PACRG: variants seen among roughly 807,000 people sequenced by gnomAD.
The protein encoded by PACRG is parkin coregulated, also known as parkin coregulated gene protein.
Under a neutral mutation model 29.7 loss-of-function variants are expected in PACRG, and 29 were observed. The observed-to-expected ratio is 0.98, with a 90% CI of 0.73 to 1.33. PACRG has a LOEUF of 1.33. Among genes scored for constraint, PACRG ranks in the 40% most tolerant of loss-of-function variants. PACRG has a pLI of 0.00. For synonymous variants in PACRG, 116 were observed against 118.7 expected, an observed-to-expected ratio of 0.98 and a Z score of 0.15; for missense variants, 279 against 316.2, an observed-to-expected ratio of 0.88 and a Z score of 0.89.
chr6:162,965,989 C>T (rs796424356), intron 2 of PACRG, among the ~76,000 whole-genome samples: 6 of 152,232 alleles, frequency 3.9e-5, no homozygotes, highest in African/African-American at 1.4e-4. Context: ...TCCGATACAC[C>T]AATGTGGATG....
intron 2 of PACRG, among the ~76,000 whole-genome samples, chr6:162,833,476 G>A (rs1788952955): frequency 6.6e-6 from 1 of 152,018 alleles, no homozygotes; most frequent in Admixed American, 6.6e-5. Flanking sequence ...AGCATTGTTT[G>A]TATCTTTTAA....
chr6:162,789,221 G>T (rs1467066540), intron 1 of PACRG, among the ~76,000 whole-genome samples: 1 of 152,126 alleles, frequency 6.6e-6, no homozygotes, highest in East Asian at 1.9e-4. Flanking sequence ...GAGTGAGGAG[G>T]CAACTAACTG....
chr6:162,836,114 A>G (rs865946548), intron 2 of PACRG, among the ~76,000 whole-genome samples: 43 of 151,940 alleles, frequency 2.8e-4, no homozygotes, highest in African/African-American at 9.7e-4. Flanking sequence ...CATGATTTTT[A>G]TATATTTTTT....
intron 4 of PACRG, among the ~76,000 whole-genome samples, chr6:163,312,404 C>G (rs1785457879): frequency 6.6e-6 from 1 of 152,146 alleles, no homozygotes; most frequent in Non-Finnish European, 1.5e-5. Context: ...CACCTTCTTC[C>G]TTAACATCTT....
intron 4 of PACRG, among the ~76,000 whole-genome samples, chr6:163,107,234 A>C (rs1347580239): frequency 6.6e-6 from 1 of 152,214 alleles, no homozygotes; most frequent in Non-Finnish European, 1.5e-5. Context: ...AAATATGATG[A>C]GAAAGAGAAA....
chr6:162,801,055 G>A (rs1785815040), intron 1 of PACRG, among the ~76,000 whole-genome samples: 1 of 152,184 alleles, frequency 6.6e-6, no homozygotes, highest in Admixed American at 6.5e-5. Flanking sequence ...CTTACAATGT[G>A]TGGTCAAGCT....
chr6:162,741,384 G>A (rs1780581971), intron 1 of PACRG, among the ~76,000 whole-genome samples: 2 of 152,252 alleles, frequency 1.3e-5, no homozygotes, highest in South Asian at 4.1e-4. Flanking sequence ...CTGGAGACTG[G>A]GAAGTTCAAG....
At chr6:162,960,054 G>A (rs1334378375) in intron 2 of PACRG, among the ~76,000 whole-genome samples, 3 of 152,076 alleles carry the variant, frequency 2.0e-5, no homozygotes, top group Non-Finnish European at 2.9e-5. Context: ...ACCACAATGA[G>A]GTACCATCTC....
At chr6:163,240,076 C>T (rs1357023453) in intron 4 of PACRG, among the ~76,000 whole-genome samples, 1 of 137,676 alleles carries the variant, frequency 7.3e-6, no homozygotes, top group Non-Finnish European at 1.6e-5. Flanking sequence ...ACACCTCCAC[C>T]CCCCCACACA....
At chr6:162,958,423 T>G (rs1584869527) in intron 2 of PACRG, among the ~76,000 whole-genome samples, 1 of 152,138 alleles carries the variant, frequency 6.6e-6, no homozygotes, top group Admixed American at 6.5e-5. Flanking sequence ...AAACTGAGAT[T>G]CCCAAGCATA....
chr6:163,273,806 G>A (rs1783928645), intron 4 of PACRG, among the ~76,000 whole-genome samples: 3 of 151,098 alleles, frequency 2.0e-5, no homozygotes. Flanking sequence ...CTGCTGTTTG[G>A]GTTTTCTAGT....
chr6:162,798,840 G>T (rs2128337850), intron 1 of PACRG, among the ~76,000 whole-genome samples: 1 of 152,292 alleles, frequency 6.6e-6, no homozygotes, highest in Middle Eastern at 3.4e-3. Context: ...GATTGTGTGT[G>T]TGTGTTGTGT....
intron 2 of PACRG, among the ~76,000 whole-genome samples, chr6:162,932,260 G>C (rs1797907205): frequency 6.6e-6 from 1 of 152,044 alleles, no homozygotes; most frequent in Non-Finnish European, 1.5e-5. Flanking sequence ...AGAGGTAAGA[G>C]AGGAATCGTA....
intron 2 of PACRG, among the ~76,000 whole-genome samples, chr6:163,043,550 TA>T (rs550900303): frequency 6.5e-4 from 94 of 145,120 alleles, no homozygotes; most frequent in Non-Finnish European, 7.2e-4. Context: ...AGACTCCGTC[TA>T]AAAAAAAAAA....
chr6:162,970,095 CA>C (rs1377890044), intron 2 of PACRG, among the ~76,000 whole-genome samples: 2 of 152,126 alleles, frequency 1.3e-5, no homozygotes, highest in Non-Finnish European at 1.5e-5. Flanking sequence ...TGTCTGCTGC[CA>C]TGACATGCAA....
intron 4 of PACRG, chr6:163,165,811 G>A: frequency 3.7e-6 from 1 of 273,096 alleles, no homozygotes; most frequent in Non-Finnish European, 7.2e-6. Flanking sequence ...CTCTGTGACG[G>A]CCCAGGCGAG....
chr6:162,855,861 G>T (rs988691655), intron 2 of PACRG, among the ~76,000 whole-genome samples: 4 of 152,132 alleles, frequency 2.6e-5, no homozygotes, highest in African/African-American at 4.8e-5. Context: ...CCTTCCTTGG[G>T]CACCAGTGAA....
chr6:163,007,806 C>T (rs1805256472), intron 2 of PACRG, among the ~76,000 whole-genome samples: 1 of 152,144 alleles, frequency 6.6e-6, no homozygotes, highest in Non-Finnish European at 1.5e-5. Flanking sequence ...CTAGATGGAA[C>T]TGGATTTTCC....
intron 1 of PACRG, among the ~76,000 whole-genome samples, chr6:162,742,338 C>G (rs1390422638): frequency 6.6e-6 from 1 of 152,156 alleles, no homozygotes; most frequent in Non-Finnish European, 1.5e-5. Flanking sequence ...CTCTCATTCT[C>G]TCTTTGTTGC....
Sources: gnomAD v4.1 joint callset for allele counts (sites outside exome capture counted in the v4.1 genomes callset) on GRCh38, gnomAD v4.1.1 for gene constraint, MANE v1.5 for transcripts, NCBI Gene and HGNC (gene_info 2026-07-23, HGNC 2026-07-21) for gene names.